Variants in GRK6 observed in about 807,000 individuals in gnomAD.
GRK6 encodes G protein-coupled receptor kinase 6.
In GRK6, 37 loss-of-function variants were observed where a neutral mutation model predicts 80.8. That is an observed-to-expected ratio of 0.46 (90% CI 0.35 to 0.60). The LOEUF (loss-of-function observed/expected upper bound fraction) is 0.60, where lower values mean the gene tolerates loss of function less well. Among genes scored for constraint, GRK6 ranks in the 20% least tolerant of loss-of-function variants. The pLI is 0.00. For synonymous variants in GRK6, 295 were observed against 320.9 expected (o/e 0.92, Z 0.86); for missense variants, 560 against 784.6 (o/e 0.71, Z 3.42).
rs375413182 is a variant in GRK6, at chr5:177,440,834, C to G, written c.1539C>G (p.Asn513Lys). The G allele has an allele frequency of 6.2e-7, 1 of 1,614,000 alleles. No homozygotes were observed. Among genetic ancestry groups the G allele is most frequent in the East Asian group, 2.2e-5 (1 of 44,874 alleles). Residue 513 changes from asparagine (N) to lysine (K), a missense_variant, in exon 14 of 16, where the codon AAC becomes AAG. Transcript: ENST00000355472. ...GCAGTGTGCCCATCCCCTGGCAGAA[C>G]GAGGTGGGGGCCTGCCCTGCTGGTG... Reference protein sequence around the residue: ...ATGSVPIPWQNEMVETECFQE... With the variant: ...ATGSVPIPWQKEMVETECFQE...
intron 1 of GRK6, among the ~76,000 whole-genome samples, chr5:177,430,259 G>A (rs933452524): frequency 6.6e-6 from 1 of 152,150 alleles, no homozygotes; most frequent in African/African-American, 2.4e-5. Flanking sequence ...GCAGGCAATC[G>A]AACTGCTGCT....
At chr5:177,441,648 G>A in intron 15 of GRK6, 89 bp from the exon 16 acceptor site, 2 of 1,111,510 alleles carry the variant, frequency 1.8e-6, no homozygotes, top group Non-Finnish European at 2.8e-6. Flanking sequence ...GGCCTGCCCT[G>A]GCAGGGTCGG....
At chr5:177,436,872 T>G (rs1764183004) in intron 13 of GRK6, among the ~76,000 whole-genome samples, 1 of 152,068 alleles carries the variant, frequency 6.6e-6, no homozygotes, top group South Asian at 2.1e-4. Flanking sequence ...GACAGAGAGC[T>G]TCTCTTCTCT....
At chr5:177,441,588 G>T in intron 15 of GRK6, 149 bp from the exon 16 acceptor site, 1 of 752,870 alleles carries the variant, frequency 1.3e-6, no homozygotes, top group Non-Finnish European at 2.4e-6. Flanking sequence ...GCTGCTCCAG[G>T]CTCCTTGTGG....
At chr5:177,440,431 G>A (rs1172407863) in intron 13 of GRK6, among the ~76,000 whole-genome samples, 1 of 152,384 alleles carries the variant, frequency 6.6e-6, no homozygotes, top group African/African-American at 2.4e-5. Context: ...GTGGGCAGGC[G>A]AAGGAGGTGC....
intron 3 of GRK6, 22 bp downstream of exon 3, chr5:177,432,129 C>A: frequency 6.2e-7 from 1 of 1,608,594 alleles, no homozygotes; most frequent in Non-Finnish European, 8.5e-7. Context: ...CCAGCCCTGC[C>A]CAGCCCCGCG....
At position 177,436,412 on chromosome 5, in the gene GRK6, C is replaced by T. The variant is rs751278575; in HGVS notation, c.1286C>T (p.Ala429Val). The change falls in exon 13 of 16, where the codon GCC becomes GTC. Residue 429 changes from alanine (A) to valine (V), a missense_variant. By Grantham distance (64) the Ala-to-Val change is moderately conservative. Coordinates refer to ENST00000355472, the MANE Select transcript of GRK6 (RefSeq NM_001004106.3). ...LCSQLLCKDP[A>V]ERLGCRGGSA... is the part of the protein sequence containing the mutation. ...CCACAGCTCCTCTGCAAGGACCCTG[C>T]CGAACGCCTGGGGTGTCGTGGGGGC... 4 of 1,611,686 alleles carry T rather than the reference C, an allele frequency of 2.5e-6. No homozygotes were observed. Among genetic ancestry groups the T allele is most frequent in the Admixed American group, 3.3e-5 (2 of 59,908 alleles).
At position 177,433,374 on chromosome 5, in the gene GRK6, G is replaced by A; in HGVS notation, c.561G>A (p.Arg187=). Residue 187 remains arginine, a synonymous_variant, in exon 7 of 16, where the codon AGG becomes AGA. Coordinates refer to ENST00000355472, the MANE Select transcript of GRK6 (RefSeq NM_001004106.3). The stretch of plus-strand genomic sequence containing the variant: ...AGCCAGTGACCAAAAACACCTTCAG[G>A]CAATACCGAGTCCTGGGCAAAGGTG... ...ERQPVTKNTF[R]QYRVLGKGGF... 1 of 1,613,960 alleles carries A rather than the reference G, an allele frequency of 6.2e-7. No homozygotes were observed. Among genetic ancestry groups the A allele is most frequent in the Admixed American group, 1.7e-5 (1 of 60,008 alleles).
At chr5:177,425,609 C>G (rs932647117), upstream of GRK6, among the ~76,000 whole-genome samples, 3 of 152,246 alleles carry the variant, frequency 2.0e-5, no homozygotes, top group African/African-American at 7.2e-5. Flanking sequence ...AAGCAGGGAG[C>G]CTGGCTATCT....
intron 1 of GRK6, 22 bp downstream of exon 1, chr5:177,426,919 C>T: frequency 7.4e-7 from 1 of 1,347,772 alleles, no homozygotes. Flanking sequence ...GGGTGGGCGG[C>T]CGGGCCCGGG....
rs35292164 is a variant in GRK6, at chr5:177,430,021, G to GT, written c.53-836dup. On this transcript the variant is annotated intron_variant, in intron 1 of 15. Coordinates refer to ENST00000355472, the MANE Select transcript of GRK6 (RefSeq NM_001004106.3). ...GACACATTTTATTTGGCTGCAGTGAGTTTTTTTTTTTTTTTAAACAAAATG... is the reference window on the plus strand; with the variant it reads ...GACACATTTTATTTGGCTGCAGTGAGTTTTTTTTTTTTTTTTAAACAAAATG... Among the ~76,000 whole-genome samples, 1,120 of 146,780 alleles carry GT rather than the reference G, an allele frequency of 7.6e-3. 17 individuals are homozygous for GT. The highest frequency in any genetic ancestry group is 0.027 in the Admixed American group (397 of 14,758).
At chr5:177,441,398 G>A in intron 15 of GRK6, 1 of 929,360 alleles carries the variant, frequency 1.1e-6, no homozygotes, top group Non-Finnish European at 1.6e-6. Context: ...CTGCACCCTG[G>A]CCCCTTCGAG....
At chr5:177,431,555 C>T (rs2127371908) in intron 2 of GRK6, among the ~76,000 whole-genome samples, 1 of 152,380 alleles carries the variant, frequency 6.6e-6, no homozygotes, top group Non-Finnish European at 1.5e-5. Flanking sequence ...CTGCTTCCAC[C>T]TCCTGGGAAG....
intron 1 of GRK6, among the ~76,000 whole-genome samples, chr5:177,427,237 C>T (rs944132506): frequency 1.6e-4 from 25 of 152,310 alleles, no homozygotes; most frequent in African/African-American, 6.0e-4. Context: ...TGTAAAGATG[C>T]CCCACGTGCC....
At chr5:177,434,212 G>A (rs1764037983) in intron 9 of GRK6, 108 bp downstream of exon 9, 1 of 1,136,470 alleles carries the variant, frequency 8.8e-7, no homozygotes, top group Non-Finnish European at 1.2e-6. Context: ...ACTACAGAAG[G>A]ACATTGGTTT....
rs989128615 is a variant in GRK6, at chr5:177,429,380, G to A, written c.53-1492G>A. Among the ~76,000 whole-genome samples, 4 of 152,140 alleles carry A rather than the reference G, an allele frequency of 2.6e-5. No homozygotes were observed. The highest frequency in any genetic ancestry group is 9.7e-5 in the African/African-American group (4 of 41,430). On this transcript the variant is annotated intron_variant, in intron 1 of 15. Transcript: ENST00000355472. This position sits in a 1 kb window ranked among gnomAD's most constrained non-coding sequence, Gnocchi z 4.3. ...CTTTGCTGCTGCCTTGATGTGGCTG[G>A]GAGGGGGGAGGAGGAAGTAACTGAG...
rs752453540 is a variant in GRK6 at position 177,436,558 on chromosome 5, C to T, written c.1404+28C>T. On this transcript the variant is annotated intron_variant, in intron 13 of 15. Transcript: ENST00000355472. ...GAGTGCAGCCCACTCCTGCTGAGGG[C>T]GGGGCCCAGCCAGGGCTGGGGCTCA... 9.1e-6 allele frequency: 14 copies of T among 1,535,494 alleles called. No homozygotes were observed. Among genetic ancestry groups the T allele is most frequent in the South Asian group, 7.6e-5 (6 of 79,146 alleles).
intron 15 of GRK6, 144 bp downstream of exon 15, chr5:177,441,197 C>T: frequency 6.8e-7 from 1 of 1,478,176 alleles, no homozygotes; most frequent in Admixed American, 1.9e-5. Flanking sequence ...CTCATTCCCG[C>T]CTGTCCCCCA....
Position 177,436,144 on chromosome 5 carries a change from G to A in GRK6, c.1129G>A (p.Glu377Lys), listed in dbSNP as rs371241210. The A allele has an allele frequency of 1.2e-6, 2 of 1,614,126 alleles. No homozygotes were observed. The highest frequency in any genetic ancestry group is 1.7e-6 in the Non-Finnish European group (2 of 1,180,030). ...DWWALGCLLY[E>K]MIAGQSPFQQ... ...GTGGGCGCTCGGCTGCCTCCTGTAC[G>A]AGATGATCGCAGGCCAGTCGCCCTT... Residue 377 changes from glutamate (E) to lysine (K), a missense_variant, in exon 12 of 16, where the codon GAG becomes AAG. Physicochemically the swap from Glu to Lys is moderately conservative, Grantham distance 56. This residue lies in a region of GRK6 where 294 missense variants were observed against 397.4 expected (regional missense o/e 0.74). Coordinates refer to ENST00000355472, the MANE Select transcript of GRK6 (RefSeq NM_001004106.3).
Sources: allele counts gnomAD v4.1 joint callset (sites outside exome capture counted in the v4.1 genomes callset), GRCh38; gene constraint gnomAD v4.1.1; regional missense constraint gnomAD v4.1.1; non-coding constraint Gnocchi (gnomAD v3.1); transcripts MANE v1.5; gene names NCBI Gene and HGNC (gene_info 2026-07-23, HGNC 2026-07-21).